UNC13C: variants seen among roughly 807,000 people sequenced by gnomAD.
UNC13C encodes protein unc-13 homolog C.
UNC13C carries 174 observed loss-of-function variants against 245.4 expected under a neutral mutation model. That is an observed-to-expected ratio of 0.71 (90% CI 0.63 to 0.80). The LOEUF is 0.80. UNC13C is among the 30% of genes least tolerant of loss of function. The probability of loss-of-function intolerance (pLI) is 0.00; values close to 1 mark genes in which losing one functional copy is unlikely to be tolerated. For synonymous variants in UNC13C, 992 were observed against 895.1 expected, an observed-to-expected ratio of 1.11 and a Z score of -1.93; for missense variants, 2,829 against 2,602.9, an observed-to-expected ratio of 1.09 and a Z score of -1.89.
downstream of UNC13C, chr15:54,630,537 C>T (rs1901437431): frequency 6.6e-6 from 1 of 152,124 alleles, no homozygotes; most frequent in Non-Finnish European, 1.5e-5. Flanking sequence ...TTATACATGA[C>T]TCAGGGAATA....
At chr15:53,875,569 T>A in the UNC13C span, among the ~76,000 whole-genome samples, 1 of 152,044 alleles carries the variant, frequency 6.6e-6, no homozygotes, top group Non-Finnish European at 1.5e-5. Flanking sequence ...TAACTTGAGT[T>A]TTTAAGCTAG....
intron 19 of UNC13C, among the ~76,000 whole-genome samples, chr15:54,490,796 A>G (rs1230348808): frequency 6.6e-6 from 1 of 152,178 alleles, no homozygotes; most frequent in Admixed American, 6.5e-5. Context: ...TTTTGCGGAC[A>G]TGCACACATC....
chr15:53,951,475 T>C, the UNC13C span, among the ~76,000 whole-genome samples: 1 of 152,374 alleles, frequency 6.6e-6, no homozygotes, highest in Admixed American at 6.5e-5. Flanking sequence ...CTATTAATTA[T>C]TGTGGTGACC....
At chr15:54,225,851 G>C (rs989408580) in intron 4 of UNC13C, among the ~76,000 whole-genome samples, 1 of 152,152 alleles carries the variant, frequency 6.6e-6, no homozygotes, top group African/African-American at 2.4e-5. Flanking sequence ...ATGTTGAATA[G>C]GAGTGGTAAG....
intron 4 of UNC13C, among the ~76,000 whole-genome samples, chr15:54,178,578 AG>A (rs2033693030): frequency 6.6e-6 from 1 of 152,172 alleles, no homozygotes; most frequent in Non-Finnish European, 1.5e-5. Flanking sequence ...AAGAGGGATA[AG>A]CCTTTCCAAG....
At chr15:53,870,972 C>A in the UNC13C span, among the ~76,000 whole-genome samples, 1 of 152,036 alleles carries the variant, frequency 6.6e-6, no homozygotes, top group Non-Finnish European at 1.5e-5. Context: ...CACAATAACT[C>A]CAACACTATT....
At chr15:54,544,553 G>A (rs570899936) in intron 26 of UNC13C, among the ~76,000 whole-genome samples, 5 of 152,230 alleles carry the variant, frequency 3.3e-5, no homozygotes, top group East Asian at 1.9e-4. Flanking sequence ...AAACCCCATC[G>A]CCTCAGCCCA....
At chr15:54,279,637 A>G (rs542397643) in intron 10 of UNC13C, among the ~76,000 whole-genome samples, 1 of 152,312 alleles carries the variant, frequency 6.6e-6, no homozygotes, top group South Asian at 2.1e-4. Context: ...AAGAGAAAGG[A>G]TGCCAGGTGT....
chr15:53,887,746 C>T, the UNC13C span, among the ~76,000 whole-genome samples: 2 of 152,060 alleles, frequency 1.3e-5, no homozygotes, highest in Admixed American at 1.3e-4. Context: ...ATGTTCCCCT[C>T]CCTGTGTCCA....
intron 2 of UNC13C, among the ~76,000 whole-genome samples, chr15:54,055,131 T>A (rs538282399): frequency 1.8e-4 from 28 of 152,332 alleles, no homozygotes; most frequent in African/African-American, 6.7e-4. Flanking sequence ...ATTGATTAGA[T>A]AAAACTTATT....
intron 4 of UNC13C, among the ~76,000 whole-genome samples, chr15:54,214,193 C>A (rs1190874799): frequency 6.6e-6 from 1 of 151,770 alleles, no homozygotes; most frequent in African/African-American, 2.4e-5. Flanking sequence ...AATGAGACAA[C>A]AACGGAATAA....
chr15:54,406,195 G>A (rs2040289129), intron 18 of UNC13C, among the ~76,000 whole-genome samples: 1 of 152,200 alleles, frequency 6.6e-6, no homozygotes, highest in Non-Finnish European at 1.5e-5. Flanking sequence ...GAAAAGTGGA[G>A]AATTGCGGGG....
intron 18 of UNC13C, among the ~76,000 whole-genome samples, chr15:54,407,806 T>C (rs1281483065): frequency 6.6e-6 from 1 of 152,062 alleles, no homozygotes; most frequent in Non-Finnish European, 1.5e-5. Flanking sequence ...ATTTAAACTG[T>C]AAATATTTTG....
chr15:54,293,813 T>C, intron 10 of UNC13C, 82 bp from the exon 11 acceptor site: 2 of 1,186,854 alleles, frequency 1.7e-6, no homozygotes, highest in Non-Finnish European at 2.2e-6. Flanking sequence ...CTTTCTAGAA[T>C]AGATAGAAAA....
chr15:54,081,890 G>T (rs1448869561), intron 2 of UNC13C, among the ~76,000 whole-genome samples: 2 of 152,030 alleles, frequency 1.3e-5, no homozygotes, highest in Non-Finnish European at 2.9e-5. Context: ...TGTGAACTTT[G>T]TACTTACCTG....
chr15:53,933,261 T>G, the UNC13C span, among the ~76,000 whole-genome samples: 1 of 152,186 alleles, frequency 6.6e-6, no homozygotes, highest in African/African-American at 2.4e-5. Flanking sequence ...CTTATTACTT[T>G]GTGGCCCTGC....
intron 4 of UNC13C, among the ~76,000 whole-genome samples, chr15:54,219,016 A>G (rs1241997870): frequency 6.6e-6 from 1 of 152,062 alleles, no homozygotes; most frequent in Non-Finnish European, 1.5e-5. Flanking sequence ...GAAAATGGCC[A>G]TACTGCCCAA....
chr15:54,433,907 CA>C (rs1440019173), intron 19 of UNC13C, among the ~76,000 whole-genome samples: 1 of 151,978 alleles, frequency 6.6e-6, no homozygotes, highest in Non-Finnish European at 1.5e-5. Flanking sequence ...AATCGATGTG[CA>C]AAAATCACAA....
chr15:54,340,929 G>C (rs536295528), intron 17 of UNC13C, among the ~76,000 whole-genome samples: 1 of 152,056 alleles, frequency 6.6e-6, no homozygotes, highest in South Asian at 2.1e-4. Flanking sequence ...CATTCAGAAT[G>C]GCTATTATTA....
Sources: gnomAD v4.1 joint callset for allele counts (sites outside exome capture counted in the v4.1 genomes callset) on GRCh38, gnomAD v4.1.1 for gene constraint, MANE v1.5 for transcripts, NCBI Gene and HGNC (gene_info 2026-07-23, HGNC 2026-07-21) for gene names.